The following P2RX3 variants were observed in gnomAD, a reference collection of about 807,000 sequenced individuals.
P2RX3 encodes P2X purinoceptor 3.
Under a neutral mutation model 51.5 loss-of-function variants are expected in P2RX3, and 41 were observed. The ratio of observed to expected loss-of-function variants is 0.80; its 90% CI spans 0.62 to 1.03. The LOEUF (loss-of-function observed/expected upper bound fraction) is 1.03. Among genes scored for constraint, P2RX3 ranks in the 50% least tolerant of loss-of-function variants. The pLI is 0.00. For missense variants in P2RX3, 459 were observed against 522.1 expected, an observed-to-expected ratio of 0.88 and a Z score of 1.18; for synonymous variants, 185 against 191.6, an observed-to-expected ratio of 0.97 and a Z score of 0.29.
upstream of P2RX3, among the ~76,000 whole-genome samples, chr11:57,338,000 T>C (rs571955583): frequency 2.6e-5 from 4 of 152,278 alleles, no homozygotes; most frequent in South Asian, 8.3e-4. Context: ...CCCATGCCAC[T>C]GGGGGCAACT....
At position 57,349,926 on chromosome 11, in the gene P2RX3, C is replaced by T. The variant is rs773709721; in HGVS notation, c.705+28C>T. The T allele has an allele frequency of 8.1e-6, 13 of 1,612,950 alleles. No individual in the cohort carries two copies. The South Asian group carries it at 1.2e-4, about 15-fold the overall frequency. ...GAGGACCTAGCCATTCTTCCGCGACCCCAAACTCCCCACCTTCAGCCCTTT... is the reference window on the plus strand; with the variant it reads ...GAGGACCTAGCCATTCTTCCGCGACTCCAAACTCCCCACCTTCAGCCCTTT... On this transcript the variant is annotated intron_variant, in intron 7 of 11. Transcript: ENST00000263314.
intron 8 of P2RX3, among the ~76,000 whole-genome samples, chr11:57,361,384 A>C (rs1856716059): frequency 6.6e-6 from 1 of 152,004 alleles, no homozygotes; most frequent in Non-Finnish European, 1.5e-5. Context: ...CCGCACAATA[A>C]ACCCATCACT....
intron 3 of P2RX3, 58 bp from the exon 4 acceptor site, chr11:57,347,357 C>G: frequency 6.5e-7 from 1 of 1,540,194 alleles, no homozygotes; most frequent in Admixed American, 2.0e-5. Context: ...GAGGGAGTCG[C>G]GGAGCTCACC....
Position 57,347,306 on chromosome 11 carries a change from G to C in P2RX3, c.328-109G>C, listed in dbSNP as rs1856455356. The C allele has an allele frequency of 3.4e-6, 5 of 1,469,890 alleles. No homozygotes were observed. In the South Asian group the frequency reaches 5.9e-5, roughly 17 times the overall value. 91.1% of individuals were successfully genotyped at this position (1,469,890 alleles called of 1,614,324 possible). A position where few individuals can be genotyped will look rare whatever the true frequency, so the allele number is the denominator to read the frequency against. On this transcript the variant is annotated intron_variant, in intron 3 of 11. Coordinates refer to ENST00000263314, the MANE Select transcript of P2RX3 (RefSeq NM_002559.5). ...AAGTCTGACCTTGCAACTGGGACCTGGGACCTCCACCCTCCTGAGGCTGTT... is the reference window on the plus strand; with the variant it reads ...AAGTCTGACCTTGCAACTGGGACCTCGGACCTCCACCCTCCTGAGGCTGTT...
chr11:57,368,602 C>T (rs1429540870), intron 10 of P2RX3, among the ~76,000 whole-genome samples, 165 bp downstream of exon 10: 1 of 152,212 alleles, frequency 6.6e-6, no homozygotes, highest in Non-Finnish European at 1.5e-5. Flanking sequence ...CACCCTGCTG[C>T]GTCAGCCCTG....
At position 57,360,783 on chromosome 11, in the gene P2RX3, G is replaced by A. The variant is rs1210740765; in HGVS notation, c.843-7226G>A. Reference sequence around the variant, plus strand: ...GTGTACTCCAGCCTGGTGACAGAGCGAGACTCTGTCTCAAAAAAAAAAAGA... The same window carrying A: ...GTGTACTCCAGCCTGGTGACAGAGCAAGACTCTGTCTCAAAAAAAAAAAGA... On this transcript the variant is annotated intron_variant, in intron 8 of 11. Coordinates refer to ENST00000263314, the MANE Select transcript of P2RX3 (RefSeq NM_002559.5). Among the ~76,000 whole-genome samples, 14 of 142,732 alleles carry A rather than the reference G, an allele frequency of 9.8e-5. No homozygotes were observed. In the South Asian group the frequency reaches 1.5e-3, roughly 15 times the overall value. The allele number at this position is 142,732 out of a possible 152,430, so 93.6% of individuals were successfully genotyped here.
rs898880932 is a variant in P2RX3 at position 57,350,368 on chromosome 11, G to A, written c.706-394G>A. The A allele has an allele frequency of 3.3e-5, 6 of 181,442 alleles. 1 individual carries two copies. In the Admixed American group the frequency reaches 3.6e-4, roughly 11 times the overall value. 11.2% of individuals were successfully genotyped at this position (181,442 alleles called of 1,614,324 possible). On this transcript the variant is annotated intron_variant, in intron 7 of 11. Transcript: ENST00000263314. ...AGGCTAGAGTGCATGGCGCGATTTC[G>A]GCTCACTGCAACCTCCGCCTCCCAG... is the stretch of plus-strand genomic sequence containing the variant.
At position 57,350,752 on chromosome 11, in the gene P2RX3, G is replaced by T. The variant is rs200025655; in HGVS notation, c.706-10G>T. 4 of 1,592,036 alleles carry T rather than the reference G, an allele frequency of 2.5e-6. No homozygotes were observed. Among genetic ancestry groups the T allele is most frequent in the East Asian group, 2.3e-5 (1 of 43,162 alleles). ...CGAGGGGAAAGCTCATACCCGGCCC[G>T]TTTCTTCAGGGGGGAGTTCTGGGCA... On this transcript the variant is annotated splice_polypyrimidine_tract_variant and intron_variant, in intron 7 of 11. Coordinates refer to ENST00000263314, the MANE Select transcript of P2RX3 (RefSeq NM_002559.5).
chr11:57,360,417 A>G (rs1304285066), intron 8 of P2RX3, among the ~76,000 whole-genome samples: 2 of 152,194 alleles, frequency 1.3e-5, no homozygotes, highest in Non-Finnish European at 2.9e-5. Flanking sequence ...TGAGATGTCA[A>G]GAATCTCAGA....
intron 2 of P2RX3, among the ~76,000 whole-genome samples, 167 bp downstream of exon 2, chr11:57,346,846 C>G (rs1856443773): frequency 6.6e-6 from 1 of 152,224 alleles, no homozygotes; most frequent in Non-Finnish European, 1.5e-5. Flanking sequence ...AGAGCTTGGG[C>G]CTGCGGTGCT....
chr11:57,346,785 A>G (rs1032287426), intron 2 of P2RX3, 106 bp downstream of exon 2: 2 of 1,450,384 alleles, frequency 1.4e-6, no homozygotes, highest in Non-Finnish European at 1.9e-6. Flanking sequence ...ACTAGAATCC[A>G]TGATGTCACT....
chr11:57,349,415 G>A (rs191239027), intron 6 of P2RX3, among the ~76,000 whole-genome samples: 114 of 151,778 alleles, frequency 7.5e-4, no homozygotes, highest in African/African-American at 2.6e-3. Context: ...GCAGTGAGCC[G>A]AGATCATGCC....
intron 1 of P2RX3, among the ~76,000 whole-genome samples, chr11:57,343,302 G>A (rs748749070): frequency 2.6e-5 from 4 of 152,174 alleles, no homozygotes; most frequent in Non-Finnish European, 5.9e-5. Flanking sequence ...TGGAGTCCTC[G>A]GCCCTTTCCT....
chr11:57,343,977 T>G (rs1449080082), intron 1 of P2RX3, among the ~76,000 whole-genome samples: 1 of 152,194 alleles, frequency 6.6e-6, no homozygotes, highest in Non-Finnish European at 1.5e-5. Flanking sequence ...AGATGGGATT[T>G]CTACGTGAGG....
chr11:57,346,480 C>T, intron 1 of P2RX3, 64 bp from the exon 2 acceptor site: 1 of 1,579,912 alleles, frequency 6.3e-7, no homozygotes, highest in Non-Finnish European at 8.6e-7. Context: ...TGACCTCTCC[C>T]AGCTTCTGTC....
At chr11:57,368,269 T>A in intron 9 of P2RX3, 103 bp from the exon 10 acceptor site, 1 of 1,382,728 alleles carries the variant, frequency 7.2e-7, no homozygotes, top group Non-Finnish European at 1.0e-6. Context: ...AGGGGAGGGA[T>A]CTGCTGATCC....
rs937443705 is a variant in P2RX3, at chr11:57,371,803, T to A, written c.*1806T>A. On this transcript the variant is annotated 3_prime_UTR_variant, in exon 12 of 12. Coordinates refer to ENST00000263314, the MANE Select transcript of P2RX3 (RefSeq NM_002559.5). ...TCTCCACCTGGGACTCCCCCAGGCA[T>A]CCCTGGGGAATTCAGCTCTTGGGAG... Among the ~76,000 whole-genome samples the A allele has an allele frequency of 1.3e-5, 2 of 152,204 alleles. No homozygotes were observed. The highest frequency in any genetic ancestry group is 1.3e-4 in the Admixed American group (2 of 15,288).
Position 57,349,810 on chromosome 11 carries a change from A to C in P2RX3, c.617A>C (p.His206Pro). The change falls in exon 7 of 12, where the codon CAC becomes CCC. Residue 206 changes from histidine (H) to proline (P), a missense_variant. Physicochemically the swap from His to Pro is moderately conservative, Grantham distance 77. Transcript: ENST00000263314. The part of the protein sequence containing the change: ...TARDMKTCRF[H>P]PDKDPFCPIL... The stretch of plus-strand genomic sequence containing the variant: ...AGGGACATGAAGACCTGCCGCTTCC[A>C]CCCGGACAAGGACCCTTTCTGCCCC... 6.2e-7 allele frequency: 1 copy of C among 1,614,150 alleles called. No individual in the cohort carries two copies. Among genetic ancestry groups the C allele is most frequent in the Non-Finnish European group, 8.5e-7 (1 of 1,180,030 alleles).
chr11:57,341,622 C>G (rs1450544289), intron 1 of P2RX3, among the ~76,000 whole-genome samples: 1 of 152,178 alleles, frequency 6.6e-6, no homozygotes, highest in Non-Finnish European at 1.5e-5. Context: ...CATCCCCGTT[C>G]TGGATCCTTT....
Sources: gnomAD v4.1 joint callset for allele counts (sites outside exome capture counted in the v4.1 genomes callset) on GRCh38, gnomAD v4.1.1 for gene constraint, MANE v1.5 for transcripts, NCBI Gene and HGNC (gene_info 2026-07-23, HGNC 2026-07-21) for gene names.